VGLL4: variants seen among roughly 807,000 people sequenced by gnomAD.
VGLL4 encodes vestigial like family member 4.
VGLL4 carries 7 observed loss-of-function variants against 21.0 expected under a neutral mutation model. That is an observed-to-expected ratio of 0.33 (90% CI 0.19 to 0.63). The LOEUF is 0.63. VGLL4 is among the 20% of genes least tolerant of loss of function. The pLI is 0.78. For synonymous variants in VGLL4, 222 were observed against 173.2 expected (o/e 1.28, Z -2.21); for missense variants, 394 against 425.7 (o/e 0.93, Z 0.66).
chr3:11,687,231 C>T (rs2076461731), intron 2 of VGLL4, among the ~76,000 whole-genome samples: 1 of 152,068 alleles, frequency 6.6e-6, no homozygotes, highest in Non-Finnish European at 1.5e-5. Context: ...AAAAATAATA[C>T]TTTTGATATT....
intron 1 of VGLL4, chr3:11,611,923 G>C (rs2075070612): frequency 6.6e-6 from 1 of 152,072 alleles, no homozygotes; most frequent in African/African-American, 2.4e-5. Flanking sequence ...TGGGGAGGCA[G>C]TGGGTCTGAG....
intron 2 of VGLL4, among the ~76,000 whole-genome samples, chr3:11,695,052 CT>C (rs11457651): frequency 4.5e-3 from 618 of 138,452 alleles, no homozygotes; most frequent in African/African-American, 8.1e-3. Context: ...TGTTCTCATT[CT>C]TTTTTTTTTT....
intron 1 of VGLL4, chr3:11,633,677 A>C (rs1027732560): frequency 6.7e-6 from 1 of 149,862 alleles, no homozygotes. Flanking sequence ...TCAAAAAAAC[A>C]AAAAAAAGAT....
At chr3:11,591,711 C>T (rs1447759534) in intron 2 of VGLL4, among the ~76,000 whole-genome samples, 2 of 152,228 alleles carry the variant, frequency 1.3e-5, no homozygotes, top group East Asian at 1.9e-4. Flanking sequence ...TAGCAAAACA[C>T]TTCCAGGGAA....
At chr3:11,680,126 CAGGGGTTTGTAG>C (rs1323550801) in intron 2 of VGLL4, among the ~76,000 whole-genome samples, 1 of 152,220 alleles carries the variant, frequency 6.6e-6, no homozygotes, top group Admixed American at 6.5e-5. Flanking sequence ...TTGCGTGCCA[CAGGGGTTTGTAG>C]CCCAGATGCA....
intron 1 of VGLL4, among the ~76,000 whole-genome samples, chr3:11,636,771 C>G (rs2075596099): frequency 6.6e-6 from 1 of 152,122 alleles, no homozygotes; most frequent in Non-Finnish European, 1.5e-5. Context: ...AGGGCTTCAA[C>G]AGGTGATGAA....
chr3:11,608,187 A>G (rs2074988292), intron 1 of VGLL4, among the ~76,000 whole-genome samples: 1 of 152,234 alleles, frequency 6.6e-6, no homozygotes, highest in South Asian at 2.1e-4. Flanking sequence ...GTAACCCCGT[A>G]TTTTAAGCTT....
chr3:11,644,859 A>AAAAAG (rs1553737811), upstream of VGLL4, among the ~76,000 whole-genome samples: 39 of 150,378 alleles, frequency 2.6e-4, no homozygotes, highest in Admixed American at 3.3e-4. Flanking sequence ...AAAAAAAAAA[A>AAAAAG]AAAAGAAAAG....
intron 2 of VGLL4, among the ~76,000 whole-genome samples, chr3:11,671,077 C>T (rs527640951): frequency 5.9e-5 from 9 of 152,232 alleles, no homozygotes; most frequent in South Asian, 2.1e-4. Flanking sequence ...TAAGGAGAGT[C>T]GACAGCAGCT....
rs946108372 is a variant in VGLL4 at position 11,643,693 on chromosome 3, A to G, written c.-175T>C. ...TTAAAAAAAAAAAAATCAGGCACAA[A>G]AAAATCGAGCTCACACGAAACCCTT... On this transcript the variant is annotated 5_prime_UTR_variant, in exon 1 of 5. Coordinates refer to ENST00000430365, the MANE Select transcript of VGLL4 (RefSeq NM_001128219.3). 9.3e-5 allele frequency: 133 copies of G among 1,430,046 alleles called. No individual in the cohort carries two copies. The highest frequency in any genetic ancestry group is 1.2e-4 in the Non-Finnish European group (130 of 1,098,744). The allele number at this position is 1,430,046 out of a possible 1,614,324, so 88.6% of individuals were successfully genotyped here. A position where few individuals can be genotyped will look rare whatever the true frequency, so the allele number is the denominator to read the frequency against.
At position 11,564,917 on chromosome 3, in the gene VGLL4, G is replaced by A. The variant is rs1007714750; in HGVS notation, c.375C>T (p.His125=). 4 of 1,598,270 alleles carry A rather than the reference G, an allele frequency of 2.5e-6. No homozygotes were observed. The highest frequency in any genetic ancestry group is 1.3e-5 in the African/African-American group (1 of 74,250). The part of the protein sequence containing the change: ...VAPTMSLHGS[H]LYTSLPSLGL... Reference sequence around the variant, plus strand: ...CAAGGCTGGGGAGGGAGGTGTACAGGTGGCTGCCGTGCAGGCTCATGGTGG... The same window carrying A: ...CAAGGCTGGGGAGGGAGGTGTACAGATGGCTGCCGTGCAGGCTCATGGTGG... Residue 125 remains histidine, a synonymous_variant, in exon 3 of 5, where the codon CAC becomes CAT. Transcript: ENST00000430365.
rs186278690 is a variant in VGLL4 at position 11,572,405 on chromosome 3, C to T, written c.273-7386G>A. ...GAGGAAAATACAAAGACTCGTGTAC[C>T]TACCACTCAGAACTAGCAAATGAAA... On this transcript the variant is annotated intron_variant, in intron 2 of 4. Coordinates refer to ENST00000430365, the MANE Select transcript of VGLL4 (RefSeq NM_001128219.3). Among the ~76,000 whole-genome samples, 152 of 152,264 alleles carry T rather than the reference C, an allele frequency of 1.0e-3. 4 individuals carry two copies. In the East Asian group the frequency reaches 0.018, roughly 18 times the overall value.
At chr3:11,564,074 C>G (rs892917680) in intron 3 of VGLL4, among the ~76,000 whole-genome samples, 4 of 152,334 alleles carry the variant, frequency 2.6e-5, no homozygotes, top group Middle Eastern at 3.4e-3. Context: ...TGACTACTGA[C>G]TAAGGACCTA....
intron 1 of VGLL4, chr3:11,626,643 C>A: frequency 3.9e-6 from 1 of 253,670 alleles, no homozygotes; most frequent in Non-Finnish European, 8.0e-6. Flanking sequence ...CTACAGAAAG[C>A]CACTTACAGA....
intron 3 of VGLL4, among the ~76,000 whole-genome samples, chr3:11,563,448 C>T (rs962524304): frequency 2.0e-5 from 3 of 152,252 alleles, no homozygotes; most frequent in South Asian, 2.1e-4. Context: ...TCTGTTCCAG[C>T]CCCTGCTGCT....
At chr3:11,628,481 G>C (rs1165260577) in intron 1 of VGLL4, among the ~76,000 whole-genome samples, 2 of 151,676 alleles carry the variant, frequency 1.3e-5, no homozygotes, top group Non-Finnish European at 2.9e-5. Context: ...ATCAAAAAAA[G>C]TTTAAATGTT....
At chr3:11,625,200 G>A (rs2075329747) in intron 1 of VGLL4, among the ~76,000 whole-genome samples, 1 of 152,156 alleles carries the variant, frequency 6.6e-6, no homozygotes, top group Non-Finnish European at 1.5e-5. Context: ...ATGACAGAAT[G>A]GATCACTCAT....
chr3:11,620,810 C>T (rs1009978627), intron 1 of VGLL4, among the ~76,000 whole-genome samples: 1 of 152,182 alleles, frequency 6.6e-6, no homozygotes, highest in Non-Finnish European at 1.5e-5. Context: ...CCTGTGTGCA[C>T]ATATCATGCT....
chr3:11,560,733 G>C (rs2072907713), intron 3 of VGLL4, among the ~76,000 whole-genome samples: 1 of 152,166 alleles, frequency 6.6e-6, no homozygotes. Context: ...AAGAATTCAG[G>C]GTTTCTTAGT....
Sources: allele counts gnomAD v4.1 joint callset (sites outside exome capture counted in the v4.1 genomes callset), GRCh38; gene constraint gnomAD v4.1.1; transcripts MANE v1.5; gene names NCBI Gene and HGNC (gene_info 2026-07-23, HGNC 2026-07-21).